LINS1: variants seen among roughly 807,000 people sequenced by gnomAD.
LINS1 encodes the protein lines homolog 1.
LINS1 carries 27 observed loss-of-function variants against 41.6 expected under a neutral mutation model. The ratio of observed to expected loss-of-function variants is 0.65; its 90% CI spans 0.48 to 0.89. LINS1 has a LOEUF of 0.89. Ranked by LOEUF, LINS1 falls within the 40% of genes least tolerant of loss-of-function variation. The probability of loss-of-function intolerance (pLI) is 0.00; values close to 1 mark genes in which losing one functional copy is unlikely to be tolerated. For missense variants in LINS1, 955 were observed against 884.1 expected (o/e 1.08, Z -1.02); for synonymous variants, 336 against 312.9 (o/e 1.07, Z -0.78).
At chr15:100,579,188 T>C (rs116065532) in intron 3 of LINS1, among the ~76,000 whole-genome samples, 1 of 144,178 alleles carries the variant, frequency 6.9e-6, no homozygotes, top group Non-Finnish European at 1.5e-5. Flanking sequence ...AATATATATA[T>C]AAAAAAATAA....
chr15:100,582,014 C>CT (rs1351214343), intron 1 of LINS1, among the ~76,000 whole-genome samples: 7 of 152,258 alleles, frequency 4.6e-5, no homozygotes, highest in African/African-American at 1.7e-4. Context: ...ACAGACTTCT[C>CT]TGCCCTGACC....
intron 1 of LINS1, among the ~76,000 whole-genome samples, chr15:100,591,012 T>C (rs1357496453): frequency 6.6e-6 from 1 of 152,028 alleles, no homozygotes; most frequent in East Asian, 1.9e-4. Context: ...ACCCTGTCTC[T>C]ACTAAAAATA....
chr15:100,571,872 A>C, intron 6 of LINS1, 22 bp downstream of exon 6: 1 of 1,613,800 alleles, frequency 6.2e-7, no homozygotes, highest in East Asian at 2.2e-5. Flanking sequence ...GCCGTTCAAT[A>C]ATTACTTTAA....
At chr15:100,582,935 G>C (rs1158529641) in intron 1 of LINS1, among the ~76,000 whole-genome samples, 1 of 150,492 alleles carries the variant, frequency 6.6e-6, no homozygotes, top group Non-Finnish European at 1.5e-5. Flanking sequence ...TCTACACTAT[G>C]GCCCACTAGC....
chr15:100,594,528 C>T (rs2039166317), intron 1 of LINS1, among the ~76,000 whole-genome samples: 1 of 152,086 alleles, frequency 6.6e-6, no homozygotes, highest in Non-Finnish European at 1.5e-5. Context: ...CTAAGGATAC[C>T]AAAATCTACA....
intron 5 of LINS1, 29 bp downstream of exon 5, chr15:100,573,622 C>G (rs754193407): frequency 7.7e-7 from 1 of 1,300,942 alleles, no homozygotes; most frequent in East Asian, 2.3e-5. Flanking sequence ...TAATTACACA[C>G]TGCATACAAA....
At chr15:100,598,055 T>G (rs992050533) in intron 1 of LINS1, among the ~76,000 whole-genome samples, 18 of 152,212 alleles carry the variant, frequency 1.2e-4, no homozygotes, top group Non-Finnish European at 2.5e-4. Context: ...ACTTTCCCTT[T>G]TGTTTTAGGC....
intron 3 of LINS1, 29 bp from the exon 4 acceptor site, chr15:100,575,157 T>G (rs2038088439): frequency 6.3e-7 from 1 of 1,585,290 alleles, no homozygotes; most frequent in Non-Finnish European, 8.6e-7. Context: ...AGCAAGCAGT[T>G]AAAATACAAT....
chr15:100,581,619 G>A (rs2038548630), intron 1 of LINS1, among the ~76,000 whole-genome samples: 1 of 152,178 alleles, frequency 6.6e-6, no homozygotes, highest in Admixed American at 6.5e-5. Flanking sequence ...TTAGGACTTT[G>A]GCATAGGCAA....
intron 5 of LINS1, 153 bp from the exon 6 acceptor site, chr15:100,572,218 T>C (rs1332747209): frequency 1.4e-6 from 2 of 1,470,452 alleles, no homozygotes; most frequent in Non-Finnish European, 1.8e-6. Context: ...AGGAAGCATC[T>C]TTATTTGGCA....
At chr15:100,590,916 T>A (rs1050190374) in intron 1 of LINS1, among the ~76,000 whole-genome samples, 18 of 152,178 alleles carry the variant, frequency 1.2e-4, no homozygotes, top group Non-Finnish European at 1.8e-4. Context: ...TGGTAGCTCA[T>A]ACCTTTAATC....
Position 100,582,337 on chromosome 15 carries a change from G to C in LINS1, c.-103-1392C>G, listed in dbSNP as rs990559696. Among the ~76,000 whole-genome samples, 12 of 143,664 alleles carry C rather than the reference G, an allele frequency of 8.4e-5. 1 individual carries two copies. Among genetic ancestry groups the C allele is most frequent in the African/African-American group, 3.1e-4 (12 of 38,394 alleles). The allele number at this position is 143,664 out of a possible 152,430, so 94.2% of individuals were successfully genotyped here. A position where few individuals can be genotyped will look rare whatever the true frequency, so the allele number is the denominator to read the frequency against. ...CTAGCCTAGTCTTGGTCTTATACTG[G>C]TTCTTCCATCTACAACATGGCCCAC... On this transcript the variant is annotated intron_variant, in intron 1 of 6. Coordinates refer to ENST00000314742, the MANE Select transcript of LINS1 (RefSeq NM_001040616.3).
At chr15:100,581,790 C>T (rs2038557608) in intron 1 of LINS1, among the ~76,000 whole-genome samples, 1 of 152,204 alleles carries the variant, frequency 6.6e-6, no homozygotes, top group African/African-American at 2.4e-5. Flanking sequence ...GATAAAGAGG[C>T]AACCCTCTCC....
Position 100,569,657 on chromosome 15 carries a change from A to G in LINS1, c.1855T>C (p.Ser619Pro), listed in dbSNP as rs1288783900. Reference sequence around the variant, plus strand: ...ACCAGACTTTGAGAGGCCCGGGGGGAAGACAGACTAGAAGCACACATGGTG... The same window carrying G: ...ACCAGACTTTGAGAGGCCCGGGGGGGAGACAGACTAGAAGCACACATGGTG... ...AHTMCASSLS[S>P]PRASQSLVDY... The change falls in exon 7 of 7, where the codon TCC (serine) becomes CCC (proline). Residue 619 changes from serine to proline, a missense_variant. Physicochemically the swap from Ser to Pro is moderately conservative, Grantham distance 74. Coordinates refer to ENST00000314742, the MANE Select transcript of LINS1 (RefSeq NM_001040616.3). 1.2e-6 allele frequency: 2 copies of G among 1,613,142 alleles called. No homozygotes were observed. The highest frequency in any genetic ancestry group is 1.1e-5 in the South Asian group (1 of 90,994).
At chr15:100,579,168 G>A (rs987944323) in intron 3 of LINS1, among the ~76,000 whole-genome samples, 1 of 151,386 alleles carries the variant, frequency 6.6e-6, no homozygotes, top group East Asian at 1.9e-4. Context: ...AGAACTTAAA[G>A]TATAATAAAA....
intron 3 of LINS1, among the ~76,000 whole-genome samples, chr15:100,578,469 A>T (rs1348983512): frequency 2.0e-5 from 3 of 151,294 alleles, no homozygotes; most frequent in Non-Finnish European, 3.0e-5. Flanking sequence ...TCAAAACCAC[A>T]GTGAGATACC....
intron 1 of LINS1, among the ~76,000 whole-genome samples, chr15:100,584,059 T>C (rs2038688552): frequency 6.6e-6 from 1 of 152,190 alleles, no homozygotes; most frequent in African/African-American, 2.4e-5. Flanking sequence ...AATTGCCTGA[T>C]ATATTGTCTG....
In LINS1 at chr15:100,580,668, G is replaced by A. The variant is rs928591498; in HGVS notation, c.175C>T (p.His59Tyr). 100 of 1,613,802 alleles carry A rather than the reference G, an allele frequency of 6.2e-5. No homozygotes were observed. Among genetic ancestry groups the A allele is most frequent in the Non-Finnish European group, 7.9e-5 (93 of 1,179,936 alleles). ...GCCACACCAACAGAGATGGGCTGAT[G>A]CCTGCCCTGGATACCACAGGTGTTT... Reference protein sequence around the residue: ...WANTCGIQGRHQPISVGVAPI... With the variant: ...WANTCGIQGRYQPISVGVAPI... The change falls in exon 2 of 7, where the codon CAT becomes TAT. Residue 59 changes from histidine to tyrosine, a missense_variant. Coordinates refer to ENST00000314742, the MANE Select transcript of LINS1 (RefSeq NM_001040616.3).
Position 100,573,746 on chromosome 15 carries a change from C to G in LINS1, c.1127G>C (p.Ser376Thr), listed in dbSNP as rs1212382410. The G allele has an allele frequency of 6.2e-7, 1 of 1,613,846 alleles. No homozygotes were observed. The highest frequency in any genetic ancestry group is 8.5e-7 in the Non-Finnish European group (1 of 1,179,850). ...EVQPECELIT[S>T]PDHVILRAAS... is the part of the protein sequence containing the mutation. ...TGCTCTAAGGATCACATGATCTGGACTAGTGATAAGTTCACATTCAGGTTG... is the reference window on the plus strand; with the variant it reads ...TGCTCTAAGGATCACATGATCTGGAGTAGTGATAAGTTCACATTCAGGTTG... The change falls in exon 5 of 7, where the codon AGT becomes ACT. Residue 376 changes from serine (S) to threonine (T), a missense_variant. Physicochemically the swap from Ser to Thr is moderately conservative, Grantham distance 58. Coordinates refer to ENST00000314742, the MANE Select transcript of LINS1 (RefSeq NM_001040616.3).
Sources: gnomAD v4.1 joint callset for allele counts (sites outside exome capture counted in the v4.1 genomes callset) on GRCh38, gnomAD v4.1.1 for gene constraint, MANE v1.5 for transcripts, NCBI Gene and HGNC (gene_info 2026-07-23, HGNC 2026-07-21) for gene names.